The following KMT2A variants were observed in gnomAD, a reference collection of about 807,000 sequenced individuals.
KMT2A encodes lysine methyltransferase 2A, also known as histone-lysine N-methyltransferase 2A.
A neutral mutation model predicts 345.3 loss-of-function variants in KMT2A; 16 were observed. The observed-to-expected ratio is 0.05, with a 90% CI of 0.03 to 0.07. The LOEUF (loss-of-function observed/expected upper bound fraction) is 0.07, where lower values mean the gene tolerates loss of function less well. Among genes scored for constraint, KMT2A ranks in the 10% least tolerant of loss-of-function variants. The pLI is 1.00. For synonymous variants in KMT2A, 1,599 were observed against 1,778.6 expected, an observed-to-expected ratio of 0.90 and a Z score of 2.54; for missense variants, 3,272 against 4,841.6, an observed-to-expected ratio of 0.68 and a Z score of 9.62.
At chr11:118,480,030 TG>T in intron 5 of KMT2A, 143 bp from the exon 6 acceptor site, 4 of 626,810 alleles carry the variant, frequency 6.4e-6, no homozygotes, top group Non-Finnish European at 1.1e-5. Context: ...AGATTTAATC[TG>T]AGTAATGAGC....
Position 118,439,174 on chromosome 11 carries a change from G to GAAA in KMT2A, c.432+2236_432+2238dup. On this transcript the variant is annotated intron_variant, in intron 1 of 35. Transcript: ENST00000534358. Reference sequence around the variant, plus strand: ...ATACAGCAGCAAAAAAAAAAAAAAAGAAAAAAAAGAAAAAACTGACATTTC... The same window carrying GAAA: ...ATACAGCAGCAAAAAAAAAAAAAAAGAAAAAAAAAAAGAAAAAACTGACATTTC... 1.2e-5 allele frequency: 4 copies of GAAA among 323,530 alleles called. No homozygotes were observed. In the Middle Eastern group the frequency reaches 1.7e-3, roughly 139 times the overall value. 20.0% of individuals were successfully genotyped at this position (323,530 alleles called of 1,614,324 possible).
chr11:118,499,463 T>C (rs1018240013), intron 23 of KMT2A, 43 bp downstream of exon 23: 6 of 1,256,470 alleles, frequency 4.8e-6, no homozygotes, highest in South Asian at 1.2e-5. Context: ...GTATATATCA[T>C]TGGGGAAATT....
At chr11:118,468,716 G>A (rs1949891454) in intron 1 of KMT2A, 59 bp from the exon 2 acceptor site, 1 of 1,325,306 alleles carries the variant, frequency 7.5e-7, no homozygotes, top group Admixed American at 1.7e-5. Context: ...CATTTCTTTG[G>A]GATGTGTTTG....
In KMT2A at chr11:118,495,859, A is replaced by G; in HGVS notation, c.5523A>G (p.Pro1841=). 1 of 1,613,994 alleles carries G rather than the reference A, an allele frequency of 6.2e-7. No homozygotes were observed. The highest frequency in any genetic ancestry group is 8.5e-7 in the Non-Finnish European group (1 of 1,179,958). The part of the protein sequence containing the change: ...KPKGPGEPDS[P]TPLHPPTPPI... Reference sequence around the variant, plus strand: ...AAGGTCCTGGAGAACCAGACTCACCAACTCCTCTGCATCCTCCTACACCAC... The same window carrying G: ...AAGGTCCTGGAGAACCAGACTCACCGACTCCTCTGCATCCTCCTACACCAC... The change falls in exon 19 of 36, where the codon CCA becomes CCG. Residue 1841 remains proline, a synonymous_variant. Coordinates refer to ENST00000534358, the MANE Select transcript of KMT2A (RefSeq NM_001197104.2). This position sits in a 1 kb window ranked among gnomAD's most constrained non-coding sequence, Gnocchi z 4.1.
At chr11:118,485,079 C>A in intron 10 of KMT2A, 104 bp downstream of exon 10, 1 of 723,134 alleles carries the variant, frequency 1.4e-6, no homozygotes, top group South Asian at 1.6e-5. Flanking sequence ...GTACTATTCC[C>A]TGTTTAAACC....
At position 118,514,668 on chromosome 11, in the gene KMT2A, C is replaced by T. The variant is rs200242242; in HGVS notation, c.11146+2643C>T. ...TATTTTTTGAGACAGAGTTTCTTTC[C>T]TGTTGCCCAGGCTGGAGTGCAATGG... On this transcript the variant is annotated intron_variant, in intron 31 of 35. Coordinates refer to ENST00000534358, the MANE Select transcript of KMT2A (RefSeq NM_001197104.2). Among the ~76,000 whole-genome samples, 9 of 151,602 alleles carry T rather than the reference C, an allele frequency of 5.9e-5. No homozygotes were observed. The East Asian group carries it at 1.7e-3, about 29-fold the overall frequency.
At position 118,525,610 on chromosome 11, in the gene KMT2A, TA is replaced by T. The variant is rs1244487041; in HGVS notation, c.*3448del. 2.6e-3 allele frequency: 460 copies of T among 177,714 alleles called. No homozygotes were observed. The highest frequency in any genetic ancestry group is 3.1e-3 in the East Asian group (40 of 12,986). The allele number at this position is 177,714 out of a possible 1,614,324, so 11.0% of individuals were successfully genotyped here. On this transcript the variant is annotated 3_prime_UTR_variant, in exon 36 of 36. Transcript: ENST00000534358. ...CCCTTGATTTAAAAAAAATAAAAAA[TA>T]AAAAAAAAAGGAAAAAAAAATACAA...
chr11:118,464,889 G>C (rs576547151), intron 1 of KMT2A, among the ~76,000 whole-genome samples: 17 of 152,308 alleles, frequency 1.1e-4, no homozygotes, highest in African/African-American at 3.8e-4. Context: ...AAGAATGATA[G>C]CATCAGCTTA....
At chr11:118,486,611 G>A (rs1217266138) in intron 10 of KMT2A, among the ~76,000 whole-genome samples, 12 of 152,036 alleles carry the variant, frequency 7.9e-5, no homozygotes, top group African/African-American at 2.2e-4. Flanking sequence ...AGTGGCTCAC[G>A]CCTGTAATCC....
At chr11:118,438,510 AG>A (rs1949246963) in intron 1 of KMT2A, among the ~76,000 whole-genome samples, 1 of 147,344 alleles carries the variant, frequency 6.8e-6, no homozygotes, top group African/African-American at 2.5e-5. Flanking sequence ...GAAGGGGGGT[AG>A]GGGGTTGCTG....
chr11:118,501,303 C>CA, intron 25 of KMT2A, among the ~76,000 whole-genome samples, 156 bp downstream of exon 25: 1 of 151,726 alleles, frequency 6.6e-6, no homozygotes, highest in Non-Finnish European at 1.5e-5. Context: ...ACTAAAAATA[C>CA]AAAAAAATTA....
At chr11:118,451,458 G>T (rs1305498747) in intron 1 of KMT2A, among the ~76,000 whole-genome samples, 1 of 152,064 alleles carries the variant, frequency 6.6e-6, no homozygotes, top group African/African-American at 2.4e-5. Context: ...CGCAATTTCG[G>T]CTCATTGCAA....
chr11:118,482,244 TAAAG>T (rs1178004805), intron 7 of KMT2A, 152 bp downstream of exon 7: 5 of 1,025,462 alleles, frequency 4.9e-6, no homozygotes, highest in South Asian at 1.9e-5. Context: ...TGTTTAATAA[TAAAG>T]AAACAGAAAC....
intron 10 of KMT2A, among the ~76,000 whole-genome samples, chr11:118,487,179 G>A (rs537125451): frequency 1.8e-4 from 27 of 152,182 alleles, no homozygotes; most frequent in South Asian, 1.4e-3. Context: ...CCTCTTTTCC[G>A]TCTTAATACA....
In KMT2A at chr11:118,476,046, C is replaced by T. The variant is rs929941040; in HGVS notation, c.3157-759C>T. On this transcript the variant is annotated intron_variant, in intron 3 of 35. Transcript: ENST00000534358. The surrounding 1 kb of genome is among the most constrained non-coding windows in gnomAD (Gnocchi z 4.1). The stretch of plus-strand genomic sequence containing the variant: ...TCAGCCTCCCAAGTAGCTGGGATTA[C>T]GGGCATGCACCACCACGCCCAGCTA... Among the ~76,000 whole-genome samples, 3 of 152,080 alleles carry T rather than the reference C, an allele frequency of 2.0e-5. No individual in the cohort carries two copies. Among genetic ancestry groups the T allele is most frequent in the African/African-American group, 4.8e-5 (2 of 41,428 alleles).
Position 118,436,867 on chromosome 11 carries a change from T to C in KMT2A, c.355T>C (p.Ser119Pro), listed in dbSNP as rs2134154954. ...GGGCTTCGACGCGGCGCTGCAGGTC[T>C]CGGCCGCCATCGGCACCAACCTGCG... The part of the protein sequence containing the change: ...GPGFDAALQV[S>P]AAIGTNLRRF... Residue 119 changes from serine (S) to proline (P), a missense_variant, in exon 1 of 36, where the codon TCG (serine) becomes CCG (proline). By Grantham distance (74) the Ser-to-Pro change is moderately conservative. Coordinates refer to ENST00000534358, the MANE Select transcript of KMT2A (RefSeq NM_001197104.2). The surrounding 1 kb of genome is among the most constrained non-coding windows in gnomAD (Gnocchi z 6.9). The C allele has an allele frequency of 6.3e-7, 1 of 1,593,396 alleles. No individual in the cohort carries two copies. The highest frequency in any genetic ancestry group is 1.1e-5 in the South Asian group (1 of 88,602).
At chr11:118,482,939 A>C (rs1190584532) in intron 8 of KMT2A, among the ~76,000 whole-genome samples, 1 of 152,046 alleles carries the variant, frequency 6.6e-6, no homozygotes, top group African/African-American at 2.4e-5. Context: ...TCTCCAAAAA[A>C]AATTTAGGCT....
In KMT2A at chr11:118,495,682, T is replaced by G; in HGVS notation, c.5364-18T>G. ...CTGTAGGAGTTCAATAAATGCTTGT[T>G]GAATCAATTATTTTCAGCAGTGGGA... is the stretch of plus-strand genomic sequence containing the variant. On this transcript the variant is annotated intron_variant, in intron 18 of 35. Coordinates refer to ENST00000534358, the MANE Select transcript of KMT2A (RefSeq NM_001197104.2). The surrounding 1 kb of genome is among the most constrained non-coding windows in gnomAD (Gnocchi z 4.1). 6.3e-7 allele frequency: 1 copy of G among 1,587,130 alleles called. No individual in the cohort carries two copies. The highest frequency in any genetic ancestry group is 1.1e-5 in the South Asian group (1 of 88,434).
rs9332866 is a variant in KMT2A at position 118,522,327 on chromosome 11, C to T, written c.*155C>T. On this transcript the variant is annotated 3_prime_UTR_variant, in exon 36 of 36. Coordinates refer to ENST00000534358, the MANE Select transcript of KMT2A (RefSeq NM_001197104.2). This position sits in a 1 kb window ranked among gnomAD's most constrained non-coding sequence, Gnocchi z 5.4. ...GCTCTCTTATGTCCTATACTCACAT[C>T]AGACATGTGATCATAGTCCCAGAGA... 1.7e-3 allele frequency: 1,156 copies of T among 663,950 alleles called. 9 individuals carry two copies. In the African/African-American group the frequency reaches 0.019, roughly 11 times the overall value. The allele number at this position is 663,950 out of a possible 1,614,324, so 41.1% of individuals were successfully genotyped here.
Sources: allele counts gnomAD v4.1 joint callset (sites outside exome capture counted in the v4.1 genomes callset), GRCh38; gene constraint gnomAD v4.1.1; non-coding constraint Gnocchi (gnomAD v3.1); transcripts MANE v1.5; gene names NCBI Gene and HGNC (gene_info 2026-07-23, HGNC 2026-07-21).